Variants in PEPD observed in about 807,000 individuals in gnomAD.
The protein encoded by PEPD is xaa-Pro dipeptidase.
In PEPD, 53 loss-of-function variants were observed where a neutral mutation model predicts 60.7. The ratio of observed to expected loss-of-function variants is 0.87; its 90% CI spans 0.70 to 1.10. PEPD has a LOEUF of 1.10. PEPD is among the 50% of genes least tolerant of loss of function. The pLI, the probability that PEPD is intolerant of heterozygous loss-of-function variation, is 0.00. For synonymous variants in PEPD, 267 were observed against 284.1 expected, an observed-to-expected ratio of 0.94 and a Z score of 0.60; for missense variants, 711 against 711.9, an observed-to-expected ratio of 1.00 and a Z score of 0.01.
chr19:33,413,468 G>A (rs1168798821), intron 10 of PEPD, 107 bp downstream of exon 10: 5 of 716,972 alleles, frequency 7.0e-6, no homozygotes, highest in Non-Finnish European at 1.3e-5. Flanking sequence ...GTGGGCGTGT[G>A]AGTGAGCAAG....
intron 4 of PEPD, among the ~76,000 whole-genome samples, chr19:33,499,835 C>G (rs1206201770): frequency 6.6e-6 from 1 of 152,210 alleles, no homozygotes; most frequent in Non-Finnish European, 1.5e-5. Context: ...GCTGGCCACC[C>G]CCGAGCTGGA....
intron 1 of PEPD, among the ~76,000 whole-genome samples, chr19:33,513,514 C>T (rs1024289243): frequency 6.6e-6 from 1 of 152,196 alleles, no homozygotes; most frequent in Non-Finnish European, 1.5e-5. Context: ...ACCCTCATTG[C>T]ACATCCCCAT....
rs1046222558 is a variant in PEPD, at chr19:33,477,963, C to T, written c.548+83G>A. 37 of 900,024 alleles carry T rather than the reference C, an allele frequency of 4.1e-5. 2 individuals carry two copies. The highest frequency in any genetic ancestry group is 3.9e-4 in the African/African-American group (24 of 60,936). 55.8% of individuals were successfully genotyped at this position (900,024 alleles called of 1,614,324 possible). ...CTGCTTTCTGAGGGGCTCTCTGAGA[C>T]GGTGTGGGCAGGAACAACAGGGCAT... On this transcript the variant is annotated intron_variant, in intron 7 of 14. Coordinates refer to ENST00000244137, the MANE Select transcript of PEPD (RefSeq NM_000285.4).
intron 13 of PEPD, 89 bp downstream of exon 13, chr19:33,391,206 G>T: frequency 9.5e-7 from 1 of 1,057,668 alleles, no homozygotes; most frequent in Non-Finnish European, 1.4e-6. Context: ...ATACACGCCT[G>T]CTGCCTCCTA....
intron 8 of PEPD, among the ~76,000 whole-genome samples, chr19:33,463,451 C>T (rs1969966887): frequency 6.6e-6 from 1 of 152,224 alleles, no homozygotes; most frequent in Non-Finnish European, 1.5e-5. Context: ...GAGTACGCTG[C>T]CCATCAATTA....
chr19:33,411,164 G>A (rs1002593647), intron 11 of PEPD, among the ~76,000 whole-genome samples: 4 of 152,200 alleles, frequency 2.6e-5, no homozygotes, highest in African/African-American at 4.8e-5. Flanking sequence ...AGCCCTGCAC[G>A]CAGCCACGGG....
intron 1 of PEPD, among the ~76,000 whole-genome samples, chr19:33,515,156 C>T (rs1033015937): frequency 2.0e-5 from 3 of 152,308 alleles, no homozygotes; most frequent in Admixed American, 6.5e-5. Flanking sequence ...ACAGCAAACG[C>T]TCAACACATA....
chr19:33,422,071 C>A (rs2145380878), intron 9 of PEPD, among the ~76,000 whole-genome samples: 1 of 152,260 alleles, frequency 6.6e-6, no homozygotes, highest in Non-Finnish European at 1.5e-5. Flanking sequence ...CAGCCCACCT[C>A]CCCCTTACTC....
intron 7 of PEPD, among the ~76,000 whole-genome samples, chr19:33,470,874 C>G (rs1248565152): frequency 2.6e-5 from 4 of 152,164 alleles, no homozygotes; most frequent in African/African-American, 9.7e-5. Flanking sequence ...ATCCCTCTGC[C>G]ACTGCCTCGT....
intron 4 of PEPD, among the ~76,000 whole-genome samples, chr19:33,494,902 G>A (rs12460387): frequency 0.12 from 18,631 of 152,130 alleles, 1,548 homozygotes; most frequent in African/African-American, 0.21. Context: ...TGGGAGGACA[G>A]GGCAGGCAGA....
At chr19:33,501,827 C>T (rs571287747) in intron 3 of PEPD, among the ~76,000 whole-genome samples, 3 of 152,202 alleles carry the variant, frequency 2.0e-5, no homozygotes, top group South Asian at 4.1e-4. Context: ...CTCAGCCTCC[C>T]GAAGTGCTGG....
rs148254823 is a variant in PEPD at position 33,448,841 on chromosome 19, T to G, written c.671+14154A>C. On this transcript the variant is annotated intron_variant, in intron 9 of 14. Coordinates refer to ENST00000244137, the MANE Select transcript of PEPD (RefSeq NM_000285.4). ...AGCCAAAAAAATCTGATTTTTCAAA[T>G]TTGGTTGACTTCAATGAACCAAAAT... Among the ~76,000 whole-genome samples the G allele has an allele frequency of 2.2e-3, 338 of 152,362 alleles. 2 individuals carry two copies. The highest frequency in any genetic ancestry group is 7.8e-3 in the African/African-American group (326 of 41,584).
chr19:33,485,527 T>C (rs1970381528), intron 6 of PEPD, among the ~76,000 whole-genome samples: 1 of 148,878 alleles, frequency 6.7e-6, no homozygotes, highest in African/African-American at 2.5e-5. Context: ...ATCCTAAATA[T>C]TAACTTGATA....
chr19:33,437,248 G>A (rs1242505708), intron 9 of PEPD, among the ~76,000 whole-genome samples: 2 of 152,114 alleles, frequency 1.3e-5, no homozygotes, highest in Non-Finnish European at 2.9e-5. Context: ...CCTTTCAAGA[G>A]TCTTCTAAAC....
At chr19:33,461,128 A>G (rs1969918184) in intron 9 of PEPD, among the ~76,000 whole-genome samples, 1 of 152,216 alleles carries the variant, frequency 6.6e-6, no homozygotes. Context: ...GTTATGTAAA[A>G]GTAGAAAAAA....
chr19:33,516,002 G>T (rs962560641), intron 1 of PEPD, among the ~76,000 whole-genome samples: 2 of 152,048 alleles, frequency 1.3e-5, no homozygotes, highest in Non-Finnish European at 2.9e-5. Flanking sequence ...CCACTGCAAA[G>T]AAAATCTACA....
Position 33,404,785 on chromosome 19 carries a change from G to A in PEPD, c.819-2916C>T, listed in dbSNP as rs749760315. Among the ~76,000 whole-genome samples, 4 of 151,776 alleles carry A rather than the reference G, an allele frequency of 2.6e-5. No individual in the cohort carries two copies. In the South Asian group the frequency reaches 8.3e-4, roughly 32 times the overall value. ...GGGTATGGAGCTGAAGTCTATTTTC[G>A]TGCTCCTCTCAGTTCCCTATCTTTT... On this transcript the variant is annotated intron_variant, in intron 11 of 14. Coordinates refer to ENST00000244137, the MANE Select transcript of PEPD (RefSeq NM_000285.4).
chr19:33,493,257 G>C (rs762343137), intron 5 of PEPD, 33 bp downstream of exon 5: 3 of 1,543,082 alleles, frequency 1.9e-6, no homozygotes, highest in Non-Finnish European at 1.8e-6. Flanking sequence ...CCAGAGCCAA[G>C]CACTGCCCCA....
intron 10 of PEPD, among the ~76,000 whole-genome samples, chr19:33,413,314 G>A (rs984881852): frequency 6.6e-6 from 1 of 152,208 alleles, no homozygotes; most frequent in African/African-American, 2.4e-5. Flanking sequence ...GGGACAGGAG[G>A]GAGGGGACGC....
Sources: gnomAD v4.1 joint callset for allele counts (sites outside exome capture counted in the v4.1 genomes callset) on GRCh38, gnomAD v4.1.1 for gene constraint, MANE v1.5 for transcripts, NCBI Gene and HGNC (gene_info 2026-07-23, HGNC 2026-07-21) for gene names.